The following MEGF11 variants were observed in gnomAD, a reference collection of about 807,000 sequenced individuals.
MEGF11 encodes the protein multiple epidermal growth factor-like domains protein 11.
In MEGF11, 126 loss-of-function variants were observed where a neutral mutation model predicts 146.6. That is an observed-to-expected ratio of 0.86 (90% CI 0.74 to 1.00). The LOEUF (loss-of-function observed/expected upper bound fraction) is 1.00, where lower values mean the gene tolerates loss of function less well. MEGF11 is among the 50% of genes least tolerant of loss of function. The probability of loss-of-function intolerance (pLI) is 0.00; values close to 1 mark genes in which losing one functional copy is unlikely to be tolerated. For missense variants in MEGF11, 1,509 were observed against 1,521.2 expected (o/e 0.99, Z 0.13); for synonymous variants, 532 against 583.4 (o/e 0.91, Z 1.27).
chr15:66,230,797 A>T (rs2091952773), intron 1 of MEGF11, among the ~76,000 whole-genome samples: 1 of 152,218 alleles, frequency 6.6e-6, no homozygotes, highest in Non-Finnish European at 1.5e-5. Context: ...AGTTTTTAAA[A>T]ACCCACTCTA....
intron 5 of MEGF11, among the ~76,000 whole-genome samples, chr15:66,035,738 G>A (rs1268343137): frequency 1.3e-5 from 2 of 152,226 alleles, no homozygotes; most frequent in Non-Finnish European, 2.9e-5. Context: ...AGTCTCCTGT[G>A]TTCACTTCCT....
chr15:66,076,265 C>A (rs920355880), intron 5 of MEGF11, among the ~76,000 whole-genome samples: 1 of 150,704 alleles, frequency 6.6e-6, no homozygotes, highest in African/African-American at 2.4e-5. Flanking sequence ...TGTTCCTCAT[C>A]TGGAAGAGGG....
intron 1 of MEGF11, among the ~76,000 whole-genome samples, chr15:66,243,096 G>C (rs748204798): frequency 9.2e-5 from 14 of 152,186 alleles, no homozygotes; most frequent in Non-Finnish European, 8.8e-5. Context: ...GAATGAACAA[G>C]TGTTCTCACT....
intron 10 of MEGF11, among the ~76,000 whole-genome samples, chr15:65,956,787 C>T (rs1294525350): frequency 3.9e-5 from 6 of 152,198 alleles, no homozygotes; most frequent in Non-Finnish European, 7.3e-5. Flanking sequence ...CACTCTCCCT[C>T]GTAATCAGAG....
chr15:65,897,281 G>A lies in MEGF11; in HGVS notation c.*653C>T, dbSNP rs1360832947. On this transcript the variant is annotated 3_prime_UTR_variant, in exon 26 of 26. Coordinates refer to ENST00000395614, the MANE Select transcript of MEGF11 (RefSeq NM_001385028.1). The stretch of plus-strand genomic sequence containing the variant: ...CTGCACTTTGGAAACGTGTGTGTGT[G>A]TCTCTGTGTGTTTAAACCTATCACT... The A allele has an allele frequency of 2.6e-5, 4 of 152,192 alleles. No individual in the cohort carries two copies. Among genetic ancestry groups the A allele is most frequent in the Non-Finnish European group, 5.9e-5 (4 of 68,026 alleles). The allele number at this position is 152,192 out of a possible 1,614,324, so 9.4% of individuals were successfully genotyped here. A position where few individuals can be genotyped will look rare whatever the true frequency, so the allele number is the denominator to read the frequency against.
rs549123833 is a variant in MEGF11 at position 66,079,085 on chromosome 15, GGGGCAGT to G, written c.394+15310_394+15316del. Among the ~76,000 whole-genome samples, 50 of 152,332 alleles carry G rather than the reference GGGGCAGT, an allele frequency of 3.3e-4. 1 individual carries two copies. The South Asian group carries it at 5.8e-3, about 18-fold the overall frequency. ...TGGCCCCAAATCTTCCCTGGTCTGA[GGGGCAGT>G]GGGCAGTGGGGAAGGGGTGAGACTC... On this transcript the variant is annotated intron_variant, in intron 5 of 25. Coordinates refer to ENST00000395614, the MANE Select transcript of MEGF11 (RefSeq NM_001385028.1).
At chr15:65,911,719 G>A (rs1008698198) in intron 21 of MEGF11, among the ~76,000 whole-genome samples, 1 of 152,140 alleles carries the variant, frequency 6.6e-6, no homozygotes, top group Non-Finnish European at 1.5e-5. Flanking sequence ...CCTACAAGGT[G>A]GTCTAGTGTT....
At chr15:65,904,015 A>G (rs2078559116) in intron 24 of MEGF11, among the ~76,000 whole-genome samples, 1 of 152,230 alleles carries the variant, frequency 6.6e-6, no homozygotes, top group African/African-American at 2.4e-5. Flanking sequence ...GGTCAGATAT[A>G]TGATTCTACA....
chr15:66,058,846 C>T (rs1446723458), intron 5 of MEGF11, among the ~76,000 whole-genome samples: 1 of 152,104 alleles, frequency 6.6e-6, no homozygotes, highest in African/African-American at 2.4e-5. Flanking sequence ...CTGTCCCAGT[C>T]ATGAAAATCC....
chr15:65,897,696 A>C lies in MEGF11; in HGVS notation c.*238T>G. On this transcript the variant is annotated 3_prime_UTR_variant, in exon 26 of 26. Transcript: ENST00000395614. Reference sequence around the variant, plus strand: ...AGTAGCTGTATCTTAAAATGTTTTAAAAATCATATAATCCAGGGCATTTGG... The same window carrying C: ...AGTAGCTGTATCTTAAAATGTTTTACAAATCATATAATCCAGGGCATTTGG... 1 of 349,244 alleles carries C rather than the reference A, an allele frequency of 2.9e-6. No homozygotes were observed. Among genetic ancestry groups the C allele is most frequent in the Non-Finnish European group, 5.1e-6 (1 of 195,076 alleles). The allele number at this position is 349,244 out of a possible 1,614,324, so 21.6% of individuals were successfully genotyped here. A position where few individuals can be genotyped will look rare whatever the true frequency, so the allele number is the denominator to read the frequency against.
chr15:65,957,783 C>T (rs1358345670), intron 9 of MEGF11, 62 bp from the exon 10 acceptor site: 9 of 1,540,492 alleles, frequency 5.8e-6, no homozygotes, highest in African/African-American at 1.4e-5. Context: ...TGTCCCCGCC[C>T]TCTGTCTACC....
intron 1 of MEGF11, among the ~76,000 whole-genome samples, chr15:66,240,546 T>C (rs747595858): frequency 2.6e-5 from 4 of 152,172 alleles, no homozygotes; most frequent in African/African-American, 4.8e-5. Flanking sequence ...AAGTCAGACA[T>C]TCACTGAGTC....
chr15:66,035,248 C>T (rs2083684315), intron 5 of MEGF11, among the ~76,000 whole-genome samples: 1 of 152,142 alleles, frequency 6.6e-6, no homozygotes, highest in Non-Finnish European at 1.5e-5. Context: ...TATATTATTT[C>T]TTCTAATATT....
chr15:65,898,391 T>C, intron 25 of MEGF11: 1 of 985,366 alleles, frequency 1.0e-6, no homozygotes, highest in Non-Finnish European at 1.2e-6. Context: ...TAGAGACTTG[T>C]TGATGTCTCT....
Position 65,915,532 on chromosome 15 carries a change from C to T in MEGF11, c.2411G>A (p.Cys804Tyr). ...GTAACAGGTGCCGGTGACATGGTCACAGGTGGAGTTGTTCATGCACTCACA... is the reference window on the plus strand; with the variant it reads ...GTAACAGGTGCCGGTGACATGGTCATAGGTGGAGTTGTTCATGCACTCACA... ...QLCECMNNST[C>Y]DHVTGTCYCS... The change falls in exon 19 of 26, where the codon TGT (cysteine) becomes TAT (tyrosine). Residue 804 changes from cysteine (C) to tyrosine (Y), a missense_variant. By Grantham distance (194) the Cys-to-Tyr change is radical. Transcript: ENST00000395614. 1 of 1,613,962 alleles carries T rather than the reference C, an allele frequency of 6.2e-7. No homozygotes were observed. Among genetic ancestry groups the T allele is most frequent in the Non-Finnish European group, 8.5e-7 (1 of 1,179,868 alleles).
intron 5 of MEGF11, among the ~76,000 whole-genome samples, chr15:66,020,718 C>T (rs959043331): frequency 1.3e-5 from 2 of 152,084 alleles, no homozygotes; most frequent in African/African-American, 4.8e-5. Context: ...GCCGGCCGGG[C>T]GCAGTGGCTC....
rs1280813984 is a variant in MEGF11, at chr15:66,119,198, G to A, written c.201-12C>T. 1 of 1,534,452 alleles carries A rather than the reference G, an allele frequency of 6.5e-7. No homozygotes were observed. On this transcript the variant is annotated splice_polypyrimidine_tract_variant and intron_variant, in intron 3 of 25. Coordinates refer to ENST00000395614, the MANE Select transcript of MEGF11 (RefSeq NM_001385028.1). ...TCTTATAACTGATCCTAAGGCACAAGGGAGAAAGCCACTTGAAAGTATTGA... is the reference window on the plus strand; with the variant it reads ...TCTTATAACTGATCCTAAGGCACAAAGGAGAAAGCCACTTGAAAGTATTGA...
chr15:66,236,991 C>T (rs2092108364), intron 1 of MEGF11, among the ~76,000 whole-genome samples: 1 of 152,184 alleles, frequency 6.6e-6, no homozygotes, highest in African/African-American at 2.4e-5. Flanking sequence ...ACTCCCTCAC[C>T]CAGCACCTCC....
At chr15:66,142,016 G>C (rs1322012521) in intron 1 of MEGF11, among the ~76,000 whole-genome samples, 1 of 152,136 alleles carries the variant, frequency 6.6e-6, no homozygotes, top group Non-Finnish European at 1.5e-5. Flanking sequence ...TAGGAAAGGT[G>C]AGCTTGGGGA....
Sources: gnomAD v4.1 joint callset for allele counts (sites outside exome capture counted in the v4.1 genomes callset) on GRCh38, gnomAD v4.1.1 for gene constraint, MANE v1.5 for transcripts, NCBI Gene and HGNC (gene_info 2026-07-23, HGNC 2026-07-21) for gene names.